Variants in TMEM170A observed in about 807,000 individuals in gnomAD.
TMEM170A encodes the protein transmembrane protein 170.
In TMEM170A, 18 loss-of-function variants were observed where a neutral mutation model predicts 12.8. The observed-to-expected ratio is 1.41, with a 90% CI of 0.97 to 2.09. The LOEUF (loss-of-function observed/expected upper bound fraction) is 2.09, where lower values mean the gene tolerates loss of function less well. Ranked by LOEUF, TMEM170A falls within the 30% of genes most tolerant of loss-of-function variation. The pLI is 0.00. For synonymous variants in TMEM170A, 107 were observed against 76.2 expected, an observed-to-expected ratio of 1.40 and a Z score of -2.11; for missense variants, 220 against 179.9, an observed-to-expected ratio of 1.22 and a Z score of -1.28.
At chr16:75,447,758 A>G (rs1597433479) in intron 2 of TMEM170A, 70 bp from the exon 3 acceptor site, 1 of 1,481,364 alleles carries the variant, frequency 6.8e-7, no homozygotes, top group East Asian at 2.3e-5. Context: ...AAAATACAAC[A>G]TTTAAAATAC....
chr16:75,458,357 A>C (rs1008504444), intron 1 of TMEM170A: 2 of 152,234 alleles, frequency 1.3e-5, no homozygotes, highest in Admixed American at 6.5e-5. Flanking sequence ...ATTAACCCAC[A>C]TGGGAAAAGG....
In TMEM170A at chr16:75,445,936, G is replaced by A. The variant is rs2079577586; in HGVS notation, c.*1622C>T. On this transcript the variant is annotated 3_prime_UTR_variant, in exon 3 of 3. Coordinates refer to ENST00000561878, the MANE Select transcript of TMEM170A (RefSeq NM_145254.3). ...CTCACGCCTGTAATCCCAGCACTTT[G>A]GGAGGCCGAGGCGGGTGGATCACAA... is the stretch of plus-strand genomic sequence containing the variant. The A allele has an allele frequency of 6.6e-6, 1 of 152,054 alleles. No individual in the cohort carries two copies. The highest frequency in any genetic ancestry group is 2.4e-5 in the African/African-American group (1 of 41,390). The allele number at this position is 152,054 out of a possible 1,614,324, so 9.4% of individuals were successfully genotyped here. A position where few individuals can be genotyped will look rare whatever the true frequency, so the allele number is the denominator to read the frequency against.
rs866892040 is a variant in TMEM170A at position 75,451,805 on chromosome 16, C to T, written c.168G>A (p.Val56=). 6.2e-7 allele frequency: 1 copy of T among 1,613,810 alleles called. No homozygotes were observed. The highest frequency in any genetic ancestry group is 1.6e-4 in the Middle Eastern group (1 of 6,062). Residue 56 remains valine, a synonymous_variant, in exon 2 of 3, where the codon GTG becomes GTA. Transcript: ENST00000561878. ...MWYGVFLWAL[V]SSLFFHVPAG... is the part of the protein sequence containing the mutation. ...CAGGGACATGAAAGAAGAGAGAAGA[C>T]ACCAGTGCCCACAGGAATACACCAT...
chr16:75,448,912 A>G (rs1407927469), intron 2 of TMEM170A, among the ~76,000 whole-genome samples: 2 of 151,820 alleles, frequency 1.3e-5, no homozygotes, highest in African/African-American at 4.8e-5. Flanking sequence ...AAATACAAAA[A>G]TTAGCTGGGT....
chr16:75,464,728 G>A, upstream of TMEM170A: 15 of 1,306,090 alleles, frequency 1.1e-5, no homozygotes, highest in Middle Eastern at 2.6e-4. Flanking sequence ...TCCCAACGGC[G>A]CTGCCAAGTG....
intron 1 of TMEM170A, among the ~76,000 whole-genome samples, chr16:75,461,384 T>C (rs1373687612): frequency 6.6e-6 from 1 of 152,040 alleles, no homozygotes; most frequent in Non-Finnish European, 1.5e-5. Context: ...TACCTAACCC[T>C]CCGTAGGTAA....
In TMEM170A at chr16:75,461,828, T is replaced by C. The variant is rs369355660; in HGVS notation, c.133+2640A>G. ...ATCACAAGTTACATACCCATAACAG[T>C]AATCATAAACTCAAGAACATACTGA... is the stretch of plus-strand genomic sequence containing the variant. On this transcript the variant is annotated intron_variant, in intron 1 of 2. Transcript: ENST00000561878. 1.7e-4 allele frequency among the ~76,000 whole-genome samples: 26 copies of C among 152,314 alleles called. 1 individual carries two copies. The highest frequency in any genetic ancestry group is 1.0e-3 in the Admixed American group (16 of 15,300).
chr16:75,451,413 G>A, intron 2 of TMEM170A: 3 of 562,662 alleles, frequency 5.3e-6, no homozygotes, highest in South Asian at 2.4e-5. Context: ...GCGGGGCATG[G>A]TGGCACACCC....
chr16:75,464,351 C>T (rs1342140783), intron 1 of TMEM170A, 117 bp downstream of exon 1: 15 of 1,255,896 alleles, frequency 1.2e-5, no homozygotes, highest in East Asian at 6.6e-5. Flanking sequence ...TCCCGGAGGA[C>T]AGCGCCCACG....
At chr16:75,463,613 C>T (rs28676998) in intron 1 of TMEM170A, among the ~76,000 whole-genome samples, 11,783 of 152,248 alleles carry the variant, frequency 0.077, 919 homozygotes, top group African/African-American at 0.2. Context: ...AGACCTCAGT[C>T]CCCTCTGCTG....
chr16:75,464,481 G>C lies in TMEM170A; in HGVS notation c.120C>G (p.Leu40=), dbSNP rs566239473. The C allele has an allele frequency of 3.9e-6, 6 of 1,553,946 alleles. No individual in the cohort carries two copies. The highest frequency in any genetic ancestry group is 5.2e-6 in the Non-Finnish European group (6 of 1,154,546). Residue 40 remains leucine, a synonymous_variant, in exon 1 of 3, where the codon CTC becomes CTG. Transcript: ENST00000561878. ...GGCGGGCCGTACCTGGGAAGGAGCA[G>C]AGGGAAGTAGAGTTGGGGCACAGGG... ...NGTLCPNSTS[L]CSFPEMWYGV...
At chr16:75,460,454 C>T (rs952628835) in intron 1 of TMEM170A, among the ~76,000 whole-genome samples, 2 of 152,162 alleles carry the variant, frequency 1.3e-5, no homozygotes, top group Non-Finnish European at 2.9e-5. Flanking sequence ...CTCAGTGTTT[C>T]TTCTGCAAGC....
chr16:75,451,922 T>C, intron 1 of TMEM170A, 83 bp from the exon 2 acceptor site: 1 of 1,213,362 alleles, frequency 8.2e-7, no homozygotes, highest in Non-Finnish European at 1.1e-6. Context: ...ATACCCGTCA[T>C]TTCATTTTCA....
rs1366557746 is a variant in TMEM170A at position 75,444,029 on chromosome 16, A to G, written c.*3529T>C. 1 of 152,028 alleles carries G rather than the reference A, an allele frequency of 6.6e-6. No homozygotes were observed. Among genetic ancestry groups the G allele is most frequent in the Admixed American group, 6.6e-5 (1 of 15,240 alleles). The allele number at this position is 152,028 out of a possible 1,614,324, so 9.4% of individuals were successfully genotyped here. A position where few individuals can be genotyped will look rare whatever the true frequency, so the allele number is the denominator to read the frequency against. ...CTTGAACCCAGGAAACGGAGGCTGC[A>G]GTGAGCTGAGACCATGCCACTGCAC... On this transcript the variant is annotated 3_prime_UTR_variant, in exon 3 of 3. Coordinates refer to ENST00000561878, the MANE Select transcript of TMEM170A (RefSeq NM_145254.3).
chr16:75,455,299 G>C (rs2079769712), intron 1 of TMEM170A, among the ~76,000 whole-genome samples: 1 of 148,636 alleles, frequency 6.7e-6, no homozygotes, highest in African/African-American at 2.5e-5. Context: ...GGAGCTTGCA[G>C]TGAGCCGAGA....
intron 1 of TMEM170A, among the ~76,000 whole-genome samples, chr16:75,453,285 T>C (rs779267616): frequency 2.6e-5 from 4 of 152,038 alleles, no homozygotes; most frequent in Non-Finnish European, 4.4e-5. Flanking sequence ...AATACAAAAA[T>C]TAGCCTGGCA....
chr16:75,446,126 G>A lies in TMEM170A; in HGVS notation c.*1432C>T, dbSNP rs575089404. The A allele has an allele frequency of 6.6e-6, 1 of 151,306 alleles. No individual in the cohort carries two copies. The highest frequency in any genetic ancestry group is 2.4e-5 in the African/African-American group (1 of 41,174). The allele number at this position is 151,306 out of a possible 1,614,324, so 9.4% of individuals were successfully genotyped here. On this transcript the variant is annotated 3_prime_UTR_variant, in exon 3 of 3. Transcript: ENST00000561878. ...GGTGGCAGAGGTTGGAGTGAGCTGA[G>A]ATTGCACCACTGCACTCCAGCCTGG...
rs775534918 is a variant in TMEM170A at position 75,464,455 on chromosome 16, G to A, written c.133+13C>T. ...GCGGGGCGCGCAGTGCGCAGGCGCGGGGCGGGCCGTACCTGGGAAGGAGCA... is the reference window on the plus strand; with the variant it reads ...GCGGGGCGCGCAGTGCGCAGGCGCGAGGCGGGCCGTACCTGGGAAGGAGCA... On this transcript the variant is annotated intron_variant, in intron 1 of 2. Coordinates refer to ENST00000561878, the MANE Select transcript of TMEM170A (RefSeq NM_145254.3). 2.7e-6 allele frequency: 4 copies of A among 1,471,470 alleles called. No individual in the cohort carries two copies. The highest frequency in any genetic ancestry group is 2.6e-5 in the South Asian group (2 of 75,792). The allele number at this position is 1,471,470 out of a possible 1,614,324, so 91.2% of individuals were successfully genotyped here. A position where few individuals can be genotyped will look rare whatever the true frequency, so the allele number is the denominator to read the frequency against.
In TMEM170A at chr16:75,451,693, G is replaced by A; in HGVS notation, c.280C>T (p.Pro94Ser). ...CTTGTCAAGATTCCAGCAGTAATTG[G>A]TCCCACGATGCCCATCAACAGGATG... ...VSILLMGIVG[P>S]ITAGILTSAA... Residue 94 changes from proline to serine, a missense_variant, in exon 2 of 3, where the codon CCA (proline) becomes TCA (serine). Coordinates refer to ENST00000561878, the MANE Select transcript of TMEM170A (RefSeq NM_145254.3). 1 of 1,614,130 alleles carries A rather than the reference G, an allele frequency of 6.2e-7. No homozygotes were observed.
Sources: allele counts gnomAD v4.1 joint callset (sites outside exome capture counted in the v4.1 genomes callset), GRCh38; gene constraint gnomAD v4.1.1; transcripts MANE v1.5; gene names NCBI Gene and HGNC (gene_info 2026-07-23, HGNC 2026-07-21).